Variants in PDZD2 observed in about 807,000 individuals in gnomAD.
The protein encoded by PDZD2 is PDZ domain containing 2, also known as PDZ domain-containing protein 2.
PDZD2 carries 90 observed loss-of-function variants against 220.7 expected under a neutral mutation model. That is an observed-to-expected ratio of 0.41 (90% CI 0.34 to 0.49). PDZD2 has a LOEUF of 0.49. PDZD2 is among the 20% of genes least tolerant of loss of function. The pLI, the probability that PDZD2 is intolerant of heterozygous loss-of-function variation, is 0.28. For missense variants in PDZD2, 3,174 were observed against 3,608.5 expected (o/e 0.88, Z 3.08); for synonymous variants, 1,375 against 1,450.5 (o/e 0.95, Z 1.18).
chr5:31,697,468 A>G (rs1173689028), intron 1 of PDZD2, among the ~76,000 whole-genome samples: 1 of 152,228 alleles, frequency 6.6e-6, no homozygotes, highest in Non-Finnish European at 1.5e-5. Context: ...ATCTCCAAAT[A>G]AAAAAGAGAA....
At chr5:31,658,801 A>G (rs1452293963) in intron 1 of PDZD2, among the ~76,000 whole-genome samples, 1 of 152,090 alleles carries the variant, frequency 6.6e-6, no homozygotes, top group East Asian at 1.9e-4. Context: ...TTGTATCTTT[A>G]GTAGAGACGG....
intron 2 of PDZD2, among the ~76,000 whole-genome samples, chr5:31,889,328 G>A (rs1417678307): frequency 1.3e-5 from 2 of 152,114 alleles, no homozygotes; most frequent in Non-Finnish European, 2.9e-5. Flanking sequence ...CTTCTGTTTC[G>A]GCCTTTTCTT....
chr5:31,711,812 G>T (rs1442856216), intron 1 of PDZD2, among the ~76,000 whole-genome samples: 1 of 152,248 alleles, frequency 6.6e-6, no homozygotes, highest in Non-Finnish European at 1.5e-5. Flanking sequence ...CTGCAGGCTT[G>T]TCTTTGTAAA....
At chr5:31,935,397 A>G (rs984353381) in intron 2 of PDZD2, among the ~76,000 whole-genome samples, 15 of 152,166 alleles carry the variant, frequency 9.9e-5, no homozygotes, top group Admixed American at 9.2e-4. Flanking sequence ...TTAACATTCT[A>G]TTTCCTGATA....
chr5:31,733,787 G>A (rs1417083685), intron 1 of PDZD2, among the ~76,000 whole-genome samples: 1 of 152,190 alleles, frequency 6.6e-6, no homozygotes, highest in African/African-American at 2.4e-5. Context: ...GATCCAAACT[G>A]TTTTCTCCTA....
chr5:31,732,443 C>T (rs1749590206), intron 1 of PDZD2, among the ~76,000 whole-genome samples: 1 of 152,170 alleles, frequency 6.6e-6, no homozygotes, highest in Non-Finnish European at 1.5e-5. Context: ...CAAAGACCGG[C>T]ACAGGGAGAT....
chr5:31,849,883 TATATACAC>T (rs201573938), intron 2 of PDZD2, among the ~76,000 whole-genome samples: 593 of 40,284 alleles, frequency 0.015, 81 homozygotes, highest in East Asian at 0.041. Flanking sequence ...TATATATATA[TATATACAC>T]ATATATATAT....
intron 2 of PDZD2, among the ~76,000 whole-genome samples, chr5:31,910,985 C>G (rs537721799): frequency 5.3e-5 from 8 of 152,164 alleles, no homozygotes; most frequent in Admixed American, 3.3e-4. Flanking sequence ...CTAAAATTCC[C>G]ATTGATATGA....
At chr5:32,031,654 A>G (rs1213968716) in intron 6 of PDZD2, among the ~76,000 whole-genome samples, 2 of 151,898 alleles carry the variant, frequency 1.3e-5, no homozygotes, top group African/African-American at 4.8e-5. Flanking sequence ...GCTACAGTCT[A>G]TGTAATCATC....
rs2112473955 is a variant in PDZD2 at position 32,089,389 on chromosome 5, A to C, written c.5941A>C (p.Thr1981Pro). The C allele has an allele frequency of 6.2e-7, 1 of 1,614,042 alleles. No homozygotes were observed. The highest frequency in any genetic ancestry group is 1.7e-5 in the Admixed American group (1 of 60,016). ...KPSVSDTSIR[T>P]FVSPLTSPKP... ...CTCAGTGTCTGACACGAGCATCAGG[A>C]CATTTGTCTCGCCCCTGACCTCTCC... is the stretch of plus-strand genomic sequence containing the variant. Residue 1981 changes from threonine to proline, a missense_variant, in exon 20 of 25, where the codon ACA (threonine) becomes CCA (proline). Coordinates refer to ENST00000438447, the MANE Select transcript of PDZD2 (RefSeq NM_178140.4).
At chr5:31,796,516 A>T (rs578082082) in intron 1 of PDZD2, among the ~76,000 whole-genome samples, 6 of 152,148 alleles carry the variant, frequency 3.9e-5, no homozygotes, top group Non-Finnish European at 7.4e-5. Context: ...GCCACAGGGT[A>T]GAAACTAGGA....
chr5:32,073,028 T>C (rs1170027697), intron 17 of PDZD2, among the ~76,000 whole-genome samples: 1 of 150,472 alleles, frequency 6.6e-6, no homozygotes, highest in Non-Finnish European at 1.5e-5. Context: ...GTTTTTTTTT[T>C]AATCTCATTG....
intron 2 of PDZD2, among the ~76,000 whole-genome samples, chr5:31,862,874 G>A (rs955154874): frequency 3.3e-5 from 5 of 152,062 alleles, no homozygotes; most frequent in African/African-American, 9.7e-5. Flanking sequence ...TTACAGGCAC[G>A]CGCCGCTACG....
chr5:31,991,355 G>A (rs145176672), intron 3 of PDZD2, among the ~76,000 whole-genome samples: 3 of 152,278 alleles, frequency 2.0e-5, no homozygotes, highest in Admixed American at 6.5e-5. Context: ...GGCCAAAGTC[G>A]GTGGATCTGG....
chr5:31,842,321 G>A (rs192704209), intron 2 of PDZD2, among the ~76,000 whole-genome samples: 43 of 152,248 alleles, frequency 2.8e-4, no homozygotes, highest in African/African-American at 9.4e-4. Context: ...ACACCTCTGC[G>A]AGGTAATTGT....
At chr5:31,819,133 G>A (rs1276083251) in intron 2 of PDZD2, among the ~76,000 whole-genome samples, 1 of 152,160 alleles carries the variant, frequency 6.6e-6, no homozygotes, top group African/African-American at 2.4e-5. Context: ...CAAGTACTCT[G>A]TTAATGTCTT....
intron 2 of PDZD2, among the ~76,000 whole-genome samples, chr5:31,836,592 C>G (rs1017665989): frequency 1.3e-5 from 2 of 149,462 alleles, no homozygotes; most frequent in African/African-American, 5.1e-5. Flanking sequence ...GATCTAAATC[C>G]TCCTTTCTTT....
At chr5:32,094,758 A>G (rs980530121) in intron 21 of PDZD2, among the ~76,000 whole-genome samples, 2 of 151,908 alleles carry the variant, frequency 1.3e-5, no homozygotes, top group Non-Finnish European at 2.9e-5. Flanking sequence ...ATATGCCTGT[A>G]GTCCTACCTA....
chr5:31,868,724 C>T (rs1264273055), intron 2 of PDZD2, among the ~76,000 whole-genome samples: 3 of 152,094 alleles, frequency 2.0e-5, no homozygotes, highest in African/African-American at 4.8e-5. Context: ...TGTTAACATT[C>T]TTGAATTACT....
Sources: allele counts gnomAD v4.1 joint callset (sites outside exome capture counted in the v4.1 genomes callset), GRCh38; gene constraint gnomAD v4.1.1; transcripts MANE v1.5; gene names NCBI Gene and HGNC (gene_info 2026-07-23, HGNC 2026-07-21).